The following GPC5 variants were observed in gnomAD, a reference collection of about 807,000 sequenced individuals.
GPC5 encodes the protein glypican-5.
Under a neutral mutation model 53.9 loss-of-function variants are expected in GPC5, and 47 were observed. The observed-to-expected ratio is 0.87, with a 90% CI of 0.69 to 1.11. The LOEUF is 1.11. GPC5 is among the 50% of genes most tolerant of loss of function. The pLI is 0.00. For missense variants in GPC5, 748 were observed against 713.1 expected (o/e 1.05, Z -0.56); for synonymous variants, 286 against 263.3 (o/e 1.09, Z -0.84).
intron 5 of GPC5, among the ~76,000 whole-genome samples, chr13:91,778,829 A>G (rs2037752028): frequency 6.6e-6 from 1 of 152,256 alleles, no homozygotes; most frequent in Non-Finnish European, 1.5e-5. Flanking sequence ...GGAATATTAT[A>G]GAGTGTATCT....
chr13:92,253,766 CAG>C (rs1363875697), intron 7 of GPC5, among the ~76,000 whole-genome samples: 3 of 151,564 alleles, frequency 2.0e-5, no homozygotes, highest in East Asian at 1.9e-4. Flanking sequence ...ATTTTATTAA[CAG>C]AGCTGTAGAA....
intron 6 of GPC5, among the ~76,000 whole-genome samples, chr13:92,056,572 C>A (rs182514376): frequency 1.3e-5 from 2 of 152,098 alleles, no homozygotes; most frequent in East Asian, 3.9e-4. Flanking sequence ...ATATTCTGTA[C>A]CAAGGGTAAT....
At chr13:92,091,077 G>A (rs929589870) in intron 6 of GPC5, among the ~76,000 whole-genome samples, 2 of 152,292 alleles carry the variant, frequency 1.3e-5, no homozygotes, top group South Asian at 2.1e-4. Context: ...CCAGAATTGC[G>A]AGAAATAAAT....
At chr13:91,456,716 TA>T (rs1357226122) in intron 2 of GPC5, among the ~76,000 whole-genome samples, 1 of 151,984 alleles carries the variant, frequency 6.6e-6, no homozygotes, top group Non-Finnish European at 1.5e-5. Context: ...GGAACAAACT[TA>T]AAAATTATAT....
chr13:92,196,694 C>G (rs2042258847), intron 7 of GPC5, among the ~76,000 whole-genome samples: 1 of 152,178 alleles, frequency 6.6e-6, no homozygotes, highest in Non-Finnish European at 1.5e-5. Context: ...TGCTTTCTAA[C>G]ATGCCAACAT....
intron 4 of GPC5, among the ~76,000 whole-genome samples, chr13:91,752,094 C>A (rs979332300): frequency 1.3e-5 from 2 of 152,166 alleles, no homozygotes; most frequent in Non-Finnish European, 2.9e-5. Flanking sequence ...TTTCATGCGG[C>A]CTTTTCTCTG....
chr13:91,503,193 A>T (rs1197929896), intron 2 of GPC5, among the ~76,000 whole-genome samples: 1 of 152,180 alleles, frequency 6.6e-6, no homozygotes, highest in Non-Finnish European at 1.5e-5. Context: ...GTAATATACA[A>T]GACAGTGAAT....
chr13:92,240,484 T>C (rs1189787028), intron 7 of GPC5: 1 of 152,114 alleles, frequency 6.6e-6, no homozygotes, highest in Non-Finnish European at 1.5e-5. Context: ...TAAATAATTA[T>C]AAATTTATAA....
At chr13:91,638,741 T>A (rs2139470449) in intron 2 of GPC5, among the ~76,000 whole-genome samples, 1 of 152,302 alleles carries the variant, frequency 6.6e-6, no homozygotes, top group South Asian at 2.1e-4. Flanking sequence ...TTCAAAAAAT[T>A]TTTTAAACAA....
At chr13:92,181,351 G>T (rs1029960292) in intron 7 of GPC5, among the ~76,000 whole-genome samples, 1 of 151,772 alleles carries the variant, frequency 6.6e-6, no homozygotes, top group African/African-American at 2.4e-5. Flanking sequence ...TTCTCAGAAT[G>T]TAGTTTGTGT....
At chr13:92,594,092 G>T (rs1883795643) in intron 7 of GPC5, among the ~76,000 whole-genome samples, 1 of 152,032 alleles carries the variant, frequency 6.6e-6, no homozygotes, top group Non-Finnish European at 1.5e-5. Context: ...GGCCAGAGAA[G>T]GTAAAATGTA....
At chr13:92,645,695 G>T (rs1885745854) in intron 7 of GPC5, among the ~76,000 whole-genome samples, 1 of 151,988 alleles carries the variant, frequency 6.6e-6, no homozygotes. Context: ...ACATGGTTTT[G>T]TTATCTTATC....
chr13:92,211,675 T>A (rs983656570), intron 7 of GPC5, among the ~76,000 whole-genome samples: 5 of 152,150 alleles, frequency 3.3e-5, no homozygotes, highest in Admixed American at 6.6e-5. Context: ...GCCCCAGCAA[T>A]CTGCATTTTA....
intron 2 of GPC5, among the ~76,000 whole-genome samples, chr13:91,463,581 G>T (rs1882063838): frequency 1.3e-5 from 2 of 151,944 alleles, no homozygotes; most frequent in African/African-American, 4.8e-5. Flanking sequence ...TTAAACATGT[G>T]GTATTGACGA....
At chr13:92,240,670 AT>A (rs11323525) in intron 7 of GPC5, 85,443 of 151,656 alleles carry the variant, frequency 0.56, 24,328 homozygotes, top group South Asian at 0.65. Flanking sequence ...TGAGAGACTA[AT>A]TTTTTGTATT....
chr13:91,611,258 C>T (rs890967497), intron 2 of GPC5, among the ~76,000 whole-genome samples: 6 of 152,156 alleles, frequency 3.9e-5, no homozygotes, highest in East Asian at 1.9e-4. Context: ...AATTAGGAAA[C>T]ATCTTTTCTG....
chr13:91,796,727 G>A (rs1398852966), intron 5 of GPC5, among the ~76,000 whole-genome samples: 1 of 152,092 alleles, frequency 6.6e-6, no homozygotes, highest in African/African-American at 2.4e-5. Flanking sequence ...AGCTAGTCCT[G>A]TCTCTCACTT....
At chr13:91,623,822 T>TAA (rs1329747926) in intron 2 of GPC5, among the ~76,000 whole-genome samples, 1 of 152,118 alleles carries the variant, frequency 6.6e-6, no homozygotes, top group Admixed American at 6.6e-5. Flanking sequence ...TCTAAATGTC[T>TAA]AATTTAGGCA....
chr13:91,852,438 G>T (rs974777730), intron 5 of GPC5, among the ~76,000 whole-genome samples: 6 of 151,348 alleles, frequency 4.0e-5, no homozygotes, highest in African/African-American at 1.5e-4. Context: ...ACTTCTGGAA[G>T]ATCCTAGGTG....
Sources: gnomAD v4.1 joint callset for allele counts (sites outside exome capture counted in the v4.1 genomes callset) on GRCh38, gnomAD v4.1.1 for gene constraint, MANE v1.5 for transcripts, NCBI Gene and HGNC (gene_info 2026-07-23, HGNC 2026-07-21) for gene names.